Variants in ANK3 observed in about 807,000 individuals in gnomAD.
The protein encoded by ANK3 is ankyrin 3, also known as ankyrin-3.
A neutral mutation model predicts 370.9 loss-of-function variants in ANK3; 57 were observed. The observed-to-expected ratio is 0.15, with a 90% CI of 0.12 to 0.19. The LOEUF is 0.19. Among genes scored for constraint, ANK3 ranks in the 10% least tolerant of loss-of-function variants. ANK3 has a pLI of 1.00. For missense variants in ANK3, 4,439 were observed against 5,302.1 expected (o/e 0.84, Z 5.06); for synonymous variants, 1,929 against 1,946.3 (o/e 0.99, Z 0.23).
At position 60,405,734 on chromosome 10, in the gene ANK3, C is replaced by T. The variant is rs372110335; in HGVS notation, c.97-126095G>A. On this transcript the variant is annotated intron_variant, in intron 2 of 43. Coordinates refer to the ANK3 transcript ENST00000373827. ...GTGAATTTTACTGACATCTATGTAT[C>T]GAAATATATAAAAAGAAAGATAAAT... Among the ~76,000 whole-genome samples the T allele has an allele frequency of 3.3e-5, 5 of 151,826 alleles. No individual in the cohort carries two copies. In the South Asian group the frequency reaches 6.2e-4, roughly 19 times the overall value.
At chr10:60,524,759 G>A (rs530626605) in intron 2 of ANK3, among the ~76,000 whole-genome samples, 11 of 152,100 alleles carry the variant, frequency 7.2e-5, no homozygotes, top group South Asian at 2.1e-4. Context: ...GGGGGGTGGC[G>A]GATACTGAGA....
At chr10:60,106,214 GA>G (rs1272578077) in intron 27 of ANK3, among the ~76,000 whole-genome samples, 155 bp from the exon 28 acceptor site, 1 of 152,126 alleles carries the variant, frequency 6.6e-6, no homozygotes, top group Non-Finnish European at 1.5e-5. Flanking sequence ...GCTAATTAAA[GA>G]ATATTTTCGA....
chr10:60,356,673 T>C (rs532473049), intron 1 of ANK3, among the ~76,000 whole-genome samples: 1 of 152,330 alleles, frequency 6.6e-6, no homozygotes, highest in South Asian at 2.1e-4. Context: ...CCTTGATCAC[T>C]ATCAAAAGTC....
At chr10:60,670,323 T>C (rs140628323) in intron 1 of ANK3, among the ~76,000 whole-genome samples, 2 of 152,148 alleles carry the variant, frequency 1.3e-5, no homozygotes, top group African/African-American at 4.8e-5. Flanking sequence ...CTTCCTCATC[T>C]CCATAAATTG....
chr10:60,364,444 C>T (rs984711123), intron 1 of ANK3, among the ~76,000 whole-genome samples: 4 of 151,870 alleles, frequency 2.6e-5, no homozygotes, highest in African/African-American at 9.7e-5. Context: ...AACACAGAAA[C>T]AGAAAACCAA....
At chr10:60,575,672 A>C (rs999802563) in intron 2 of ANK3, among the ~76,000 whole-genome samples, 6 of 152,156 alleles carry the variant, frequency 3.9e-5, no homozygotes, top group Admixed American at 3.9e-4. Context: ...AAACTGTGTT[A>C]AGGCCAAAAG....
chr10:60,620,827 C>G (rs952122434), intron 1 of ANK3, among the ~76,000 whole-genome samples: 1 of 152,042 alleles, frequency 6.6e-6, no homozygotes, highest in Non-Finnish European at 1.5e-5. Context: ...TGGATACCTT[C>G]TCTAATAACA....
At chr10:60,190,915 C>G (rs761290689) in intron 16 of ANK3, among the ~76,000 whole-genome samples, 23 of 152,036 alleles carry the variant, frequency 1.5e-4, no homozygotes, top group Non-Finnish European at 2.8e-4. Context: ...GAACAGAAAA[C>G]TCACAAGAAA....
Position 60,309,344 on chromosome 10 carries a change from A to C in ANK3, c.115-29705T>G, listed in dbSNP as rs141291885. Among the ~76,000 whole-genome samples the C allele has an allele frequency of 3.1e-3, 465 of 152,288 alleles. 4 individuals carry two copies. The highest frequency in any genetic ancestry group is 0.01 in the African/African-American group (424 of 41,554). On this transcript the variant is annotated intron_variant, in intron 1 of 43. Transcript: ENST00000280772. ...GAATATATAAATGTGAAGCATGCAA[A>C]ACTCACAATTGATTATGAAATGATT... is the stretch of plus-strand genomic sequence containing the variant.
At chr10:60,687,531 A>ACACACACACACAC (rs111633246) in intron 1 of ANK3, among the ~76,000 whole-genome samples, 36 of 121,126 alleles carry the variant, frequency 3.0e-4, no homozygotes, top group African/African-American at 1.3e-3. Context: ...CTGGTATAAA[A>ACACACACACACAC]AAAAACACAC....
At chr10:60,254,157 T>C (rs1188196662) in intron 7 of ANK3, among the ~76,000 whole-genome samples, 3 of 152,160 alleles carry the variant, frequency 2.0e-5, no homozygotes, top group Non-Finnish European at 2.9e-5. Context: ...TAATACAATA[T>C]AAAAGTCATG....
intron 2 of ANK3, among the ~76,000 whole-genome samples, chr10:60,510,438 C>A (rs1490147564): frequency 1.3e-5 from 2 of 152,158 alleles, no homozygotes; most frequent in Non-Finnish European, 2.9e-5. Flanking sequence ...CTAAGCATTT[C>A]ACCTATGTCA....
intron 1 of ANK3, among the ~76,000 whole-genome samples, chr10:60,669,316 A>C (rs1050797401): frequency 6.6e-6 from 1 of 152,204 alleles, no homozygotes; most frequent in Non-Finnish European, 1.5e-5. Context: ...TTTCAAATGC[A>C]TTCTAGCTGG....
intron 1 of ANK3, among the ~76,000 whole-genome samples, chr10:60,358,841 C>CT (rs562192308): frequency 1.4e-4 from 21 of 147,850 alleles, no homozygotes; most frequent in East Asian, 5.9e-4. Context: ...TTTGATAAAC[C>CT]TTTTTTTTTT....
chr10:60,436,853 C>T (rs2064171853), intron 2 of ANK3, among the ~76,000 whole-genome samples: 3 of 152,190 alleles, frequency 2.0e-5, no homozygotes, highest in Non-Finnish European at 1.5e-5. Context: ...GGTGTCACAT[C>T]AACACAATCT....
chr10:60,064,950 T>G (rs2081346518), intron 38 of ANK3, among the ~76,000 whole-genome samples: 1 of 152,206 alleles, frequency 6.6e-6, no homozygotes, highest in Admixed American at 6.5e-5. Flanking sequence ...TTGAGCAAAT[T>G]ACAAGATACG....
intron 2 of ANK3, among the ~76,000 whole-genome samples, chr10:60,521,944 T>G (rs939833715): frequency 6.6e-6 from 1 of 152,010 alleles, no homozygotes; most frequent in Admixed American, 6.6e-5. Flanking sequence ...CAGGAATAAT[T>G]TAAGCATGGA....
At chr10:60,200,579 C>T (rs1469966787) in intron 12 of ANK3, among the ~76,000 whole-genome samples, 2 of 152,096 alleles carry the variant, frequency 1.3e-5, no homozygotes, top group East Asian at 1.9e-4. Context: ...AGAGCCCACA[C>T]CTGCGCTGAA....
rs780255981 is a variant in ANK3, at chr10:60,264,024, C to G, written c.514-4G>C. 1.9e-6 allele frequency: 3 copies of G among 1,613,032 alleles called. No individual in the cohort carries two copies. Among genetic ancestry groups the G allele is most frequent in the Non-Finnish European group, 2.5e-6 (3 of 1,179,188 alleles). ...CTGCCAATGGTGTGAAGCCATCCTGCAAATAAATGGATGGGTCAAGATGGG... is the reference window on the plus strand; with the variant it reads ...CTGCCAATGGTGTGAAGCCATCCTGGAAATAAATGGATGGGTCAAGATGGG... On this transcript the variant is annotated splice_polypyrimidine_tract_variant and splice_region_variant and intron_variant, in intron 5 of 43. Transcript: ENST00000280772.
Sources: gnomAD v4.1 joint callset for allele counts (sites outside exome capture counted in the v4.1 genomes callset) on GRCh38, gnomAD v4.1.1 for gene constraint, MANE v1.5 for transcripts, NCBI Gene and HGNC (gene_info 2026-07-23, HGNC 2026-07-21) for gene names.